SGMS1: variants seen among roughly 807,000 people sequenced by gnomAD.
SGMS1 encodes sphingomyelin synthase 1, also known as phosphatidylcholine:ceramide cholinephosphotransferase 1.
Under a neutral mutation model 46.2 loss-of-function variants are expected in SGMS1, and 13 were observed. The observed-to-expected ratio is 0.28, with a 90% CI of 0.18 to 0.45. The LOEUF is 0.45. SGMS1 is among the 20% of genes least tolerant of loss of function. SGMS1 has a pLI of 1.00. For missense variants in SGMS1, 324 were observed against 519.9 expected, an observed-to-expected ratio of 0.62 and a Z score of 3.66; for synonymous variants, 203 against 187.8, an observed-to-expected ratio of 1.08 and a Z score of -0.66.
intron 8 of SGMS1, among the ~76,000 whole-genome samples, chr10:50,316,755 C>G (rs60542737): frequency 0.038 from 5,767 of 152,204 alleles, 365 homozygotes; most frequent in African/African-American, 0.13. Flanking sequence ...ATCCAATACA[C>G]GAATCAAGTA....
At chr10:50,463,590 G>A (rs1371541068) in intron 4 of SGMS1, among the ~76,000 whole-genome samples, 4 of 152,272 alleles carry the variant, frequency 2.6e-5, no homozygotes, top group East Asian at 1.9e-4. Flanking sequence ...ATGTCAAATC[G>A]TACATCCACT....
intron 6 of SGMS1, among the ~76,000 whole-genome samples, chr10:50,404,445 A>G (rs1353133455): frequency 6.6e-6 from 1 of 152,014 alleles, no homozygotes; most frequent in Non-Finnish European, 1.5e-5. Flanking sequence ...CCATCTCTAT[A>G]GAAAATACAA....
At chr10:50,531,458 TA>T (rs1837952778) in intron 2 of SGMS1, among the ~76,000 whole-genome samples, 1 of 152,164 alleles carries the variant, frequency 6.6e-6, no homozygotes, top group Non-Finnish European at 1.5e-5. Context: ...ATAAACGTGA[TA>T]CACGTGTTTG....
chr10:50,623,739 C>T lies in SGMS1; in HGVS notation c.-716G>A. 1.0e-6 allele frequency: 1 copy of T among 985,398 alleles called. No individual in the cohort carries two copies. Among genetic ancestry groups the T allele is most frequent in the Non-Finnish European group, 1.2e-6 (1 of 829,936 alleles). 61.0% of individuals were successfully genotyped at this position (985,398 alleles called of 1,614,324 possible). ...GGAGTCACGGCAGCCGCCGGAATTC[C>T]GCTCGCGGAGCCCCCGCCGCGGAAT... On this transcript the variant is annotated 5_prime_UTR_variant, in exon 1 of 11. Coordinates refer to ENST00000361781, the MANE Select transcript of SGMS1 (RefSeq NM_147156.4).
At chr10:50,416,194 A>G (rs1347615236) in intron 6 of SGMS1, among the ~76,000 whole-genome samples, 1 of 152,238 alleles carries the variant, frequency 6.6e-6, no homozygotes, top group Non-Finnish European at 1.5e-5. Context: ...CATTTTAAAC[A>G]GAAAAATCAA....
At chr10:50,513,610 C>T (rs1319071003) in intron 3 of SGMS1, among the ~76,000 whole-genome samples, 2 of 152,132 alleles carry the variant, frequency 1.3e-5, no homozygotes, top group Non-Finnish European at 2.9e-5. Flanking sequence ...CCCTCATTCA[C>T]TCAAAAGCTA....
chr10:50,314,890 C>A (rs1257347643), intron 8 of SGMS1, among the ~76,000 whole-genome samples: 1 of 152,194 alleles, frequency 6.6e-6, no homozygotes, highest in Non-Finnish European at 1.5e-5. Context: ...CGCTGCACTT[C>A]AGCCTGGGCA....
rs534231483 is a variant in SGMS1 at position 50,326,873 on chromosome 10, C to T, written c.741+332G>A. Among the ~76,000 whole-genome samples the T allele has an allele frequency of 1.6e-4, 24 of 152,236 alleles. No individual in the cohort carries two copies. In the East Asian group the frequency reaches 3.3e-3, roughly 21 times the overall value. ...AAATGGAAAAAATGTCACTTGAAAT[C>T]GAGCTCTCCCTCCGAGGGAGAGGAA... On this transcript the variant is annotated intron_variant, in intron 8 of 10. Coordinates refer to ENST00000361781, the MANE Select transcript of SGMS1 (RefSeq NM_147156.4).
intron 1 of SGMS1, among the ~76,000 whole-genome samples, chr10:50,598,525 G>A (rs4935734): frequency 0.38 from 58,209 of 151,954 alleles, 12,553 homozygotes; most frequent in Non-Finnish European, 0.48. Flanking sequence ...AATAACTGAT[G>A]GGTCTTGGTG....
chr10:50,354,065 T>C (rs1848083519), intron 6 of SGMS1, among the ~76,000 whole-genome samples: 1 of 151,312 alleles, frequency 6.6e-6, no homozygotes, highest in Admixed American at 6.6e-5. Context: ...ACCAATGACT[T>C]TCTTCACAGA....
chr10:50,386,150 G>A (rs184278815), intron 6 of SGMS1, among the ~76,000 whole-genome samples: 1 of 152,204 alleles, frequency 6.6e-6, no homozygotes, highest in East Asian at 1.9e-4. Flanking sequence ...AAATAAATGT[G>A]AAACTAACCC....
At chr10:50,565,560 C>G (rs1838280478) in intron 2 of SGMS1, among the ~76,000 whole-genome samples, 1 of 152,172 alleles carries the variant, frequency 6.6e-6, no homozygotes, top group Non-Finnish European at 1.5e-5. Context: ...GAGTTAAAAT[C>G]TCAACTCTAC....
chr10:50,324,880 G>A (rs1167462142), intron 8 of SGMS1, among the ~76,000 whole-genome samples: 1 of 152,122 alleles, frequency 6.6e-6, no homozygotes, highest in Middle Eastern at 3.2e-3. Context: ...AAGGAAGAAA[G>A]GACTGCTTTA....
chr10:50,522,369 C>G (rs1458271966), intron 2 of SGMS1, among the ~76,000 whole-genome samples: 1 of 152,122 alleles, frequency 6.6e-6, no homozygotes. Flanking sequence ...TCTACCCTGT[C>G]TCTAACCTGG....
intron 6 of SGMS1, among the ~76,000 whole-genome samples, chr10:50,408,978 A>G (rs1849061112): frequency 6.6e-6 from 1 of 152,224 alleles, no homozygotes; most frequent in South Asian, 2.1e-4. Flanking sequence ...CAGATAACTT[A>G]GTTAACAAAT....
chr10:50,319,603 T>C (rs956185092), intron 8 of SGMS1, among the ~76,000 whole-genome samples: 9 of 152,236 alleles, frequency 5.9e-5, no homozygotes, highest in Non-Finnish European at 1.0e-4. Context: ...CCCATGACAC[T>C]GAAGAGTCCA....
At chr10:50,521,883 C>A (rs1259150094) in intron 2 of SGMS1, among the ~76,000 whole-genome samples, 1 of 152,178 alleles carries the variant, frequency 6.6e-6, no homozygotes, top group Non-Finnish European at 1.5e-5. Flanking sequence ...TGTTGTCCAA[C>A]TTTTCCAATG....
chr10:50,341,235 GA>G, intron 7 of SGMS1: 1 of 434,700 alleles, frequency 2.3e-6, no homozygotes, highest in South Asian at 1.6e-5. Context: ...TGAGAGCCAG[GA>G]AAAGGTAGTT....
At chr10:50,498,118 G>A (rs1289915715) in intron 3 of SGMS1, among the ~76,000 whole-genome samples, 1 of 152,120 alleles carries the variant, frequency 6.6e-6, no homozygotes, top group Non-Finnish European at 1.5e-5. Flanking sequence ...TTGGGAGTTA[G>A]GGAAATATAA....
Sources: allele counts gnomAD v4.1 joint callset (sites outside exome capture counted in the v4.1 genomes callset), GRCh38; gene constraint gnomAD v4.1.1; transcripts MANE v1.5; gene names NCBI Gene and HGNC (gene_info 2026-07-23, HGNC 2026-07-21).